ZBED6: variants seen among roughly 807,000 people sequenced by gnomAD.
The protein encoded by ZBED6 is zinc finger BED-type containing 6, also known as zinc finger BED domain-containing protein 6.
A neutral mutation model predicts 58.4 loss-of-function variants in ZBED6; 40 were observed. The observed-to-expected ratio is 0.68, with a 90% CI of 0.53 to 0.89. ZBED6 has a LOEUF of 0.89. ZBED6 is among the 40% of genes least tolerant of loss of function. The pLI, the probability that ZBED6 is intolerant of heterozygous loss-of-function variation, is 0.00. For synonymous variants in ZBED6, 439 were observed against 350.6 expected, an observed-to-expected ratio of 1.25 and a Z score of -2.82; for missense variants, 1,057 against 1,003.9, an observed-to-expected ratio of 1.05 and a Z score of -0.71.
chr1:203,848,410 A>T lies in ZBED6; in HGVS notation c.*4322+3A>T, dbSNP rs974357903. 1 of 1,603,588 alleles carries T rather than the reference A, an allele frequency of 6.2e-7. No homozygotes were observed. Among genetic ancestry groups the T allele is most frequent in the African/African-American group, 1.3e-5 (1 of 74,418 alleles). On this transcript the variant is annotated splice_donor_region_variant and intron_variant, in intron 13 of 16. Transcript: ENST00000550078. Reference sequence around the variant, plus strand: ...GTATTAGAACAGAAGCTAAAGAGGTAAATTTAAGATTATTGTATGGTTTTG... The same window carrying T: ...GTATTAGAACAGAAGCTAAAGAGGTTAATTTAAGATTATTGTATGGTTTTG...
exon 17 of ZBED6, chr1:203,852,432 C>A (rs909652446): frequency 6.2e-7 from 1 of 1,601,364 alleles, no homozygotes; most frequent in Non-Finnish European, 8.5e-7. Context: ...AAAAAAAAAT[C>A]GCCAAAAAAC....
At chr1:203,821,572 A>G (rs1235903400) in intron 3 of ZBED6, among the ~76,000 whole-genome samples, 1 of 151,762 alleles carries the variant, frequency 6.6e-6, no homozygotes, top group Non-Finnish European at 1.5e-5. Context: ...TACTTTTCCT[A>G]CTTCAGCCCT....
intron 12 of ZBED6, 119 bp from the exon 13 acceptor site, chr1:203,848,212 A>G (rs944000170): frequency 1.2e-6 from 1 of 843,040 alleles, no homozygotes; most frequent in Admixed American, 2.6e-5. Context: ...GATGGGCTTT[A>G]TCTGTAATTT....
chr1:203,829,750 T>C, intron 5 of ZBED6, 30 bp from the exon 6 acceptor site: 1 of 1,612,866 alleles, frequency 6.2e-7, no homozygotes, highest in South Asian at 1.1e-5. Flanking sequence ...TATTTTTAAT[T>C]GTGAATTTGC....
At chr1:203,837,016 T>C (rs2103143991) in intron 9 of ZBED6, among the ~76,000 whole-genome samples, 1 of 152,234 alleles carries the variant, frequency 6.6e-6, no homozygotes, top group East Asian at 1.9e-4. Context: ...GTTAAGATTT[T>C]TGGGGGGGCC....
At chr1:203,831,836 C>G in intron 8 of ZBED6, 65 bp downstream of exon 8, 1 of 1,298,946 alleles carries the variant, frequency 7.7e-7, no homozygotes. Flanking sequence ...AATGCAAAAT[C>G]CTTGGGTATC....
At chr1:203,844,682 G>A (rs1687391840) in intron 11 of ZBED6, among the ~76,000 whole-genome samples, 1 of 152,134 alleles carries the variant, frequency 6.6e-6, no homozygotes, top group Non-Finnish European at 1.5e-5. Flanking sequence ...ATTTATGTCT[G>A]GCTAAGTGGA....
intron 1 of ZBED6, among the ~76,000 whole-genome samples, chr1:203,807,921 G>C (rs6593960): frequency 6.6e-6 from 1 of 151,960 alleles, no homozygotes; most frequent in Non-Finnish European, 1.5e-5. Context: ...TTTTAATTTA[G>C]TGTAGAAACT....
chr1:203,845,314 T>C (rs576017596), intron 11 of ZBED6, among the ~76,000 whole-genome samples: 1 of 152,328 alleles, frequency 6.6e-6, no homozygotes, highest in Admixed American at 6.5e-5. Flanking sequence ...ACCATTCATG[T>C]TGTACTTTCT....
intron 1 of ZBED6, among the ~76,000 whole-genome samples, chr1:203,814,537 A>G (rs1675601844): frequency 6.6e-6 from 1 of 152,070 alleles, no homozygotes; most frequent in Admixed American, 6.6e-5. Context: ...GAAAAAAAAA[A>G]GAATAACCTT....
chr1:203,824,380 A>G (rs1358371202), intron 3 of ZBED6, among the ~76,000 whole-genome samples: 3 of 152,116 alleles, frequency 2.0e-5, no homozygotes, highest in African/African-American at 4.8e-5. Context: ...AACAGTGGCT[A>G]TGGGAAGGTG....
chr1:203,844,108 T>C (rs183329507), intron 11 of ZBED6, among the ~76,000 whole-genome samples: 8 of 152,176 alleles, frequency 5.3e-5, no homozygotes, highest in African/African-American at 1.9e-4. Flanking sequence ...CTGCCCACTT[T>C]GGCCTCCCAA....
intron 1 of ZBED6, among the ~76,000 whole-genome samples, chr1:203,813,133 GCTT>G (rs890861395): frequency 4.7e-4 from 71 of 151,784 alleles, no homozygotes; most frequent in African/African-American, 1.7e-3. Context: ...TCTTTCTTAA[GCTT>G]CTTAACAGAG....
intron 3 of ZBED6, among the ~76,000 whole-genome samples, chr1:203,823,277 C>T (rs1363381665): frequency 1.3e-5 from 2 of 152,154 alleles, no homozygotes; most frequent in Non-Finnish European, 2.9e-5. Flanking sequence ...CTGGAAGAAT[C>T]CGTGTGCCTG....
At chr1:203,834,688 C>T (rs1250489221) in intron 9 of ZBED6, among the ~76,000 whole-genome samples, 2 of 151,720 alleles carry the variant, frequency 1.3e-5, no homozygotes, top group African/African-American at 2.4e-5. Flanking sequence ...CTTGCTCTGT[C>T]GCCCACGCTG....
exon 17 of ZBED6, chr1:203,854,029 A>G (rs1689730650): frequency 6.6e-6 from 1 of 152,642 alleles, no homozygotes; most frequent in African/African-American, 2.4e-5. Context: ...CACTTGTATT[A>G]GTCAATGTTT....
chr1:203,817,245 T>A (rs1676657106), intron 2 of ZBED6, 121 bp downstream of exon 2: 2 of 685,804 alleles, frequency 2.9e-6, no homozygotes, highest in East Asian at 6.4e-5. Flanking sequence ...ACTTTATTAT[T>A]GGCTGTCAGT....
At chr1:203,826,041 G>A (rs1011454976) in intron 3 of ZBED6, among the ~76,000 whole-genome samples, 1 of 152,170 alleles carries the variant, frequency 6.6e-6, no homozygotes, top group Non-Finnish European at 1.5e-5. Context: ...CAGGAAAGAT[G>A]TAAAATTTAA....
chr1:203,824,194 G>C (rs1160977804), intron 3 of ZBED6, among the ~76,000 whole-genome samples: 2 of 151,486 alleles, frequency 1.3e-5, no homozygotes, highest in Admixed American at 6.6e-5. Context: ...CTTGAACCTG[G>C]GAGGTGGAGA....
Sources: gnomAD v4.1 joint callset for allele counts (sites outside exome capture counted in the v4.1 genomes callset) on GRCh38, gnomAD v4.1.1 for gene constraint, MANE v1.5 for transcripts, NCBI Gene and HGNC (gene_info 2026-07-23, HGNC 2026-07-21) for gene names.